The following SLC35F4 variants were observed in gnomAD, a reference collection of about 807,000 sequenced individuals.
SLC35F4 encodes solute carrier family 35 member F4.
A neutral mutation model predicts 44.2 loss-of-function variants in SLC35F4; 24 were observed. That is an observed-to-expected ratio of 0.54 (90% CI 0.39 to 0.76). The LOEUF is 0.76. Among genes scored for constraint, SLC35F4 ranks in the 30% least tolerant of loss-of-function variants. SLC35F4 has a pLI of 0.00. For missense variants in SLC35F4, 562 were observed against 586.1 expected (o/e 0.96, Z 0.42); for synonymous variants, 238 against 223.6 (o/e 1.06, Z -0.57).
intron 1 of SLC35F4, among the ~76,000 whole-genome samples, chr14:57,961,188 C>T (rs1011350942): frequency 1.1e-4 from 17 of 152,154 alleles, no homozygotes; most frequent in African/African-American, 2.9e-4. Context: ...CGTGCGCACC[C>T]GTCTGGCTTC....
At position 57,569,992 on chromosome 14, in the gene SLC35F4, A is replaced by G. The variant is rs1272995298; in HGVS notation, c.934-12T>C. On this transcript the variant is annotated splice_polypyrimidine_tract_variant and intron_variant, in intron 5 of 7. Coordinates refer to ENST00000556826, the MANE Select transcript of SLC35F4 (RefSeq NM_001306087.2). ...ATTTTAAACAAGACCTGGAATGAGA[A>G]AGAAACTCTACAGCCACACAGAAAC... The G allele has an allele frequency of 6.3e-7, 1 of 1,585,570 alleles. No homozygotes were observed. Among genetic ancestry groups the G allele is most frequent in the South Asian group, 1.2e-5 (1 of 83,982 alleles).
At chr14:57,673,143 T>C (rs1183616607) in intron 1 of SLC35F4, among the ~76,000 whole-genome samples, 1 of 152,124 alleles carries the variant, frequency 6.6e-6, no homozygotes, top group Non-Finnish European at 1.5e-5. Flanking sequence ...CATATTTCAA[T>C]AGGCCACTTT....
chr14:57,577,310 A>AGTC (rs1053952350), intron 4 of SLC35F4, among the ~76,000 whole-genome samples: 1 of 152,150 alleles, frequency 6.6e-6, no homozygotes, highest in African/African-American at 2.4e-5. Context: ...GATCCTGGAA[A>AGTC]GTCTTTGAAA....
At chr14:57,605,473 G>C (rs1306547490) in intron 1 of SLC35F4, among the ~76,000 whole-genome samples, 1 of 152,136 alleles carries the variant, frequency 6.6e-6, no homozygotes, top group Non-Finnish European at 1.5e-5. Context: ...TGGTGAGGCT[G>C]CAGAAAAAAT....
chr14:57,935,168 T>C (rs889173001), intron 1 of SLC35F4, among the ~76,000 whole-genome samples: 4 of 152,190 alleles, frequency 2.6e-5, no homozygotes, highest in African/African-American at 9.6e-5. Flanking sequence ...TACCTTCCCA[T>C]GATTTTTCCC....
At chr14:57,879,473 C>T (rs1369972413) in intron 1 of SLC35F4, among the ~76,000 whole-genome samples, 1 of 152,078 alleles carries the variant, frequency 6.6e-6, no homozygotes, top group African/African-American at 2.4e-5. Flanking sequence ...GCTCTTACCT[C>T]CACCTCAGTC....
chr14:57,571,105 C>T (rs940430513), intron 5 of SLC35F4, among the ~76,000 whole-genome samples: 7 of 152,088 alleles, frequency 4.6e-5, no homozygotes, highest in Non-Finnish European at 1.0e-4. Flanking sequence ...TATTTTCGGC[C>T]TTTCAGAGTG....
intron 1 of SLC35F4, among the ~76,000 whole-genome samples, chr14:57,970,436 G>T (rs12586963): frequency 0.099 from 15,110 of 152,146 alleles, 974 homozygotes; most frequent in African/African-American, 0.19. Context: ...TGCCCTGTCA[G>T]CTCAGAAAGC....
intron 3 of SLC35F4, 132 bp downstream of exon 3, chr14:57,589,084 C>T (rs1745679): frequency 0.28 from 262,321 of 938,688 alleles, 41,279 homozygotes; most frequent in East Asian, 0.67. Context: ...TTCTAGTGCT[C>T]GTCTCCAACC....
At chr14:57,928,994 T>A (rs1889638205) in intron 1 of SLC35F4, among the ~76,000 whole-genome samples, 2 of 152,058 alleles carry the variant, frequency 1.3e-5, no homozygotes, top group African/African-American at 4.8e-5. Context: ...AATGACCAAA[T>A]CTGAACATTA....
At chr14:57,911,559 T>C (rs1889216908) in intron 1 of SLC35F4, among the ~76,000 whole-genome samples, 1 of 152,066 alleles carries the variant, frequency 6.6e-6, no homozygotes, top group African/African-American at 2.4e-5. Context: ...TGTTTTTCTT[T>C]GTTAGCCTGT....
At chr14:57,587,419 T>TA (rs2069830818) in intron 3 of SLC35F4, among the ~76,000 whole-genome samples, 2 of 152,176 alleles carry the variant, frequency 1.3e-5, no homozygotes, top group African/African-American at 4.8e-5. Flanking sequence ...GTGGCACATA[T>TA]ACACTATGGA....
intron 1 of SLC35F4, among the ~76,000 whole-genome samples, chr14:57,679,809 C>T (rs756749325): frequency 2.0e-5 from 3 of 151,950 alleles, no homozygotes; most frequent in Non-Finnish European, 4.4e-5. Context: ...ATACACCCTC[C>T]CAAGACCAAA....
Position 57,840,680 on chromosome 14 carries a change from T to C in SLC35F4, c.103+25043A>G, listed in dbSNP as rs1885397557. On this transcript the variant is annotated intron_variant, in intron 1 of 7. Coordinates refer to ENST00000556826, the MANE Select transcript of SLC35F4 (RefSeq NM_001306087.2). ...ATTATTAATTTCAAAACAGAAACCT[T>C]ATCACTCATGATTGAAGACCACCTA... Among the ~76,000 whole-genome samples the C allele has an allele frequency of 3.9e-5, 6 of 152,298 alleles. No homozygotes were observed. In the South Asian group the frequency reaches 1.2e-3, roughly 32 times the overall value.
At chr14:57,589,811 A>G (rs1376069403) in intron 2 of SLC35F4, among the ~76,000 whole-genome samples, 1 of 152,182 alleles carries the variant, frequency 6.6e-6, no homozygotes, top group Non-Finnish European at 1.5e-5. Context: ...TACACATCCC[A>G]GCCCCCAAAG....
chr14:57,821,474 G>T (rs1454191958), intron 1 of SLC35F4, among the ~76,000 whole-genome samples: 1 of 152,172 alleles, frequency 6.6e-6, no homozygotes, highest in Non-Finnish European at 1.5e-5. Flanking sequence ...AAAGCTGTGC[G>T]CATGCAGTAT....
intron 1 of SLC35F4, among the ~76,000 whole-genome samples, chr14:57,906,561 G>T (rs1595280951): frequency 6.6e-6 from 1 of 152,156 alleles, no homozygotes; most frequent in African/African-American, 2.4e-5. Flanking sequence ...TTACATATTT[G>T]TGGGAGAATT....
chr14:57,583,434 C>A (rs1055533625), intron 3 of SLC35F4, among the ~76,000 whole-genome samples: 1 of 152,150 alleles, frequency 6.6e-6, no homozygotes, highest in African/African-American at 2.4e-5. Context: ...TAAAGGATAT[C>A]TTTTTCTTAT....
At chr14:57,614,968 T>C (rs1460211078) in intron 1 of SLC35F4, among the ~76,000 whole-genome samples, 1 of 152,184 alleles carries the variant, frequency 6.6e-6, no homozygotes, top group African/African-American at 2.4e-5. Flanking sequence ...CTATGAAAAT[T>C]TCACTGAAGC....
Sources: gnomAD v4.1 joint callset for allele counts (sites outside exome capture counted in the v4.1 genomes callset) on GRCh38, gnomAD v4.1.1 for gene constraint, MANE v1.5 for transcripts, NCBI Gene and HGNC (gene_info 2026-07-23, HGNC 2026-07-21) for gene names.